Variants in GREB1 observed in about 807,000 individuals in gnomAD.
GREB1 encodes protein GREB1.
In GREB1, 106 loss-of-function variants were observed where a neutral mutation model predicts 200.7. The observed-to-expected ratio is 0.53, with a 90% CI of 0.45 to 0.62. The LOEUF is 0.62. GREB1 is among the 20% of genes least tolerant of loss of function. The pLI, the probability that GREB1 is intolerant of heterozygous loss-of-function variation, is 0.00. For missense variants in GREB1, 2,243 were observed against 2,556.8 expected, an observed-to-expected ratio of 0.88 and a Z score of 2.65; for synonymous variants, 1,132 against 1,092.4, an observed-to-expected ratio of 1.04 and a Z score of -0.72.
At chr2:11,529,853 G>A (rs1223950628), upstream of GREB1, among the ~76,000 whole-genome samples, 1 of 152,094 alleles carries the variant, frequency 6.6e-6, no homozygotes, top group African/African-American at 2.4e-5. Context: ...TACAGCATGA[G>A]CCCATTCATA....
At chr2:11,501,859 G>T (rs964963679) in intron 1 of GREB1, among the ~76,000 whole-genome samples, 10 of 131,478 alleles carry the variant, frequency 7.6e-5, no homozygotes, top group African/African-American at 2.8e-4. Context: ...TGTTTGTGCG[G>T]AACTGATTTC....
chr2:11,519,845 A>C (rs1673645790), intron 1 of GREB1, among the ~76,000 whole-genome samples: 1 of 152,178 alleles, frequency 6.6e-6, no homozygotes, highest in African/African-American at 2.4e-5. Flanking sequence ...ACCATTAAAA[A>C]ATTAAATGAG....
At chr2:11,541,452 G>T (rs1422341319) in intron 1 of GREB1, among the ~76,000 whole-genome samples, 1 of 151,858 alleles carries the variant, frequency 6.6e-6, no homozygotes, top group African/African-American at 2.4e-5. Context: ...TGAGAGGGGG[G>T]CCATGGGGAT....
chr2:11,560,764 A>T (rs2147906282), intron 2 of GREB1, among the ~76,000 whole-genome samples: 1 of 152,250 alleles, frequency 6.6e-6, no homozygotes, highest in East Asian at 1.9e-4. Context: ...AAGGATGTTC[A>T]TAATGACCCT....
At chr2:11,546,696 C>T (rs78738104) in intron 1 of GREB1, among the ~76,000 whole-genome samples, 3,748 of 152,230 alleles carry the variant, frequency 0.025, 159 homozygotes, top group African/African-American at 0.085. Flanking sequence ...ACTTTCTTGG[C>T]TCCCAGCATG....
intron 2 of GREB1, among the ~76,000 whole-genome samples, chr2:11,557,771 G>T (rs1676579279): frequency 6.6e-6 from 1 of 152,188 alleles, no homozygotes; most frequent in African/African-American, 2.4e-5. Flanking sequence ...ACTGGATGTG[G>T]GTCTGAGAGA....
Position 11,552,996 on chromosome 2 carries a change from C to G in GREB1, c.-161-3458C>G, listed in dbSNP as rs1234691894. On this transcript the variant is annotated intron_variant, in intron 1 of 32. Transcript: ENST00000381486. Reference sequence around the variant, plus strand: ...CTGCACTCCAGCCTGGGCGACAGAGCGAAACTCCGTCTCAAAAAAAAAAAA... The same window carrying G: ...CTGCACTCCAGCCTGGGCGACAGAGGGAAACTCCGTCTCAAAAAAAAAAAA... Among the ~76,000 whole-genome samples the G allele has an allele frequency of 4.1e-3, 483 of 117,092 alleles. 5 individuals carry two copies. Among genetic ancestry groups the G allele is most frequent in the African/African-American group, 0.019 (460 of 23,676 alleles). 76.8% of individuals were successfully genotyped at this position (117,092 alleles called of 152,430 possible).
intron 4 of GREB1, among the ~76,000 whole-genome samples, chr2:11,572,263 C>G (rs902979303): frequency 6.6e-6 from 1 of 152,168 alleles, no homozygotes; most frequent in Admixed American, 6.5e-5. Context: ...TGGCTCCCAG[C>G]TCTGGTGCAG....
chr2:11,501,557 C>A (rs886140894), intron 1 of GREB1, among the ~76,000 whole-genome samples: 1 of 152,032 alleles, frequency 6.6e-6, no homozygotes, highest in African/African-American at 2.4e-5. Flanking sequence ...CCATGCCCGG[C>A]TAATTTTTGT....
At chr2:11,528,773 G>C (rs1673969926) in intron 1 of GREB1, among the ~76,000 whole-genome samples, 1 of 151,530 alleles carries the variant, frequency 6.6e-6, no homozygotes, top group Admixed American at 6.6e-5. Context: ...CCTTTTTTTT[G>C]CTACCTATAG....
At chr2:11,589,015 G>T in intron 10 of GREB1, 84 bp downstream of exon 10, 2 of 1,032,462 alleles carry the variant, frequency 1.9e-6, no homozygotes, top group South Asian at 1.3e-5. Flanking sequence ...CGTGGGGGCT[G>T]ACTTGGGCTG....
rs200145343 is a variant in GREB1, at chr2:11,580,854, G to A, written c.901+22G>A. ...TTAGGTAGCTCTGCCTGTCCTGGCC[G>A]TCCTGGGGATCCTGCTCTTCTTTGG... is the stretch of plus-strand genomic sequence containing the variant. On this transcript the variant is annotated intron_variant, in intron 7 of 32. Transcript: ENST00000381486. The surrounding 1 kb of genome is among the most constrained non-coding windows in gnomAD (Gnocchi z 4.5). 1.8e-5 allele frequency: 29 copies of A among 1,614,012 alleles called. No homozygotes were observed. Among genetic ancestry groups the A allele is most frequent in the South Asian group, 1.1e-4 (10 of 91,080 alleles).
chr2:11,562,438 T>C, intron 2 of GREB1, 25 bp from the exon 3 acceptor site: 1 of 1,610,482 alleles, frequency 6.2e-7, no homozygotes, highest in Non-Finnish European at 8.5e-7. Context: ...GCTGCCTTGC[T>C]CATCACTCTT....
chr2:11,597,655 C>A lies in GREB1; in HGVS notation c.1955-126C>A. 1 of 801,794 alleles carries A rather than the reference C, an allele frequency of 1.2e-6. No individual in the cohort carries two copies. The highest frequency in any genetic ancestry group is 2.5e-5 in the East Asian group (1 of 40,472). The allele number at this position is 801,794 out of a possible 1,614,324, so 49.7% of individuals were successfully genotyped here. On this transcript the variant is annotated intron_variant, in intron 13 of 32. Transcript: ENST00000381486. This position sits in a 1 kb window ranked among gnomAD's most constrained non-coding sequence, Gnocchi z 4.1. ...GACTTGATAAACGTGAGTTATTCCC[C>A]TTTCCCTCATCGCTTTGTGAATGGG...
At chr2:11,621,030 T>C (rs1683967815) in intron 23 of GREB1, 23 bp downstream of exon 23, 1 of 1,370,752 alleles carries the variant, frequency 7.3e-7, no homozygotes, top group Non-Finnish European at 1.0e-6. Flanking sequence ...TTTGGGGTTA[T>C]GTGGGCTTGG....
At position 11,560,005 on chromosome 2, in the gene GREB1, G is replaced by A. The variant is rs562507223; in HGVS notation, c.158-2458G>A. On this transcript the variant is annotated intron_variant, in intron 2 of 32. Transcript: ENST00000381486. ...CTTCTGCCTCTTGTCCCACAAGCCCGTTTGAAATGGTCGCCATTGTGAGGC... is the reference window on the plus strand; with the variant it reads ...CTTCTGCCTCTTGTCCCACAAGCCCATTTGAAATGGTCGCCATTGTGAGGC... Among the ~76,000 whole-genome samples, 21 of 152,292 alleles carry A rather than the reference G, an allele frequency of 1.4e-4. 1 individual carries two copies. In the South Asian group the frequency reaches 3.5e-3, roughly 26 times the overall value.
At chr2:11,538,954 C>T (rs1474690610) in intron 1 of GREB1, among the ~76,000 whole-genome samples, 2 of 62,198 alleles carry the variant, frequency 3.2e-5, no homozygotes, top group African/African-American at 1.5e-4. Context: ...CTCGTGTCCC[C>T]TCCCCTCCTC....
intron 1 of GREB1, among the ~76,000 whole-genome samples, chr2:11,484,290 CAATT>C (rs1041396720): frequency 6.6e-6 from 1 of 152,140 alleles, no homozygotes; most frequent in African/African-American, 2.4e-5. Flanking sequence ...AAAATTGAAA[CAATT>C]AAACGGAACA....
intron 1 of GREB1, among the ~76,000 whole-genome samples, chr2:11,545,321 C>T (rs567480470): frequency 8.7e-5 from 13 of 149,554 alleles, no homozygotes; most frequent in East Asian, 2.0e-4. Context: ...TTAGCAGAGA[C>T]GGGTTGCATC....
Sources: allele counts gnomAD v4.1 joint callset (sites outside exome capture counted in the v4.1 genomes callset), GRCh38; gene constraint gnomAD v4.1.1; non-coding constraint Gnocchi (gnomAD v3.1); transcripts MANE v1.5; gene names NCBI Gene and HGNC (gene_info 2026-07-23, HGNC 2026-07-21).